HS6ST3: variants seen among roughly 807,000 people sequenced by gnomAD.
The protein encoded by HS6ST3 is heparan sulfate 6-O-sulfotransferase 3.
A neutral mutation model predicts 36.7 loss-of-function variants in HS6ST3; 12 were observed. The observed-to-expected ratio is 0.33, with a 90% CI of 0.21 to 0.53. The LOEUF (loss-of-function observed/expected upper bound fraction) is 0.53, where lower values mean the gene tolerates loss of function less well. Ranked by LOEUF, HS6ST3 falls within the 20% of genes least tolerant of loss-of-function variation. HS6ST3 has a pLI of 0.95. For missense variants in HS6ST3, 584 were observed against 640.9 expected (o/e 0.91, Z 0.96); for synonymous variants, 240 against 257.5 (o/e 0.93, Z 0.65).
chr13:96,641,870 T>C (rs1481325982), intron 1 of HS6ST3, among the ~76,000 whole-genome samples: 5 of 151,906 alleles, frequency 3.3e-5, no homozygotes, highest in Admixed American at 2.6e-4. Flanking sequence ...CACAAACTTA[T>C]AGGTATTTCA....
At chr13:96,687,220 CA>C (rs1001045564) in intron 1 of HS6ST3, among the ~76,000 whole-genome samples, 4 of 151,826 alleles carry the variant, frequency 2.6e-5, no homozygotes, top group African/African-American at 9.7e-5. Context: ...ATTCTAGCCC[CA>C]GTGAATAAAT....
At chr13:96,773,856 TCCCTGAC>T (rs1244059035) in intron 1 of HS6ST3, among the ~76,000 whole-genome samples, 2 of 152,158 alleles carry the variant, frequency 1.3e-5, no homozygotes, top group Non-Finnish European at 2.9e-5. Flanking sequence ...CTCAAGTGGG[TCCCTGAC>T]CCCTGTGTCT....
chr13:96,396,121 C>T (rs1339058258), intron 1 of HS6ST3, among the ~76,000 whole-genome samples: 1 of 152,046 alleles, frequency 6.6e-6, no homozygotes, highest in Non-Finnish European at 1.5e-5. Flanking sequence ...CAAGACGAGC[C>T]TGGCCAACAT....
At chr13:96,383,813 C>T (rs560527943) in intron 1 of HS6ST3, among the ~76,000 whole-genome samples, 1 of 152,278 alleles carries the variant, frequency 6.6e-6, no homozygotes, top group South Asian at 2.1e-4. Flanking sequence ...AGGGTGAATT[C>T]TGATGGACAG....
At chr13:96,821,372 AC>A (rs1186255796) in intron 1 of HS6ST3, among the ~76,000 whole-genome samples, 2 of 152,220 alleles carry the variant, frequency 1.3e-5, no homozygotes, top group Non-Finnish European at 2.9e-5. Flanking sequence ...AGCCTGGGCC[AC>A]TGCATCATTA....
At chr13:96,403,167 T>C (rs866658769) in intron 1 of HS6ST3, among the ~76,000 whole-genome samples, 1 of 152,336 alleles carries the variant, frequency 6.6e-6, no homozygotes, top group Middle Eastern at 3.4e-3. Flanking sequence ...ATGTGCTTAT[T>C]GGCCCTGCAA....
intron 1 of HS6ST3, among the ~76,000 whole-genome samples, chr13:96,302,064 A>T (rs921883922): frequency 4.6e-5 from 7 of 151,902 alleles, no homozygotes; most frequent in Non-Finnish European, 7.4e-5. Context: ...ACATCACAAG[A>T]TTGGGTGGCA....
intron 1 of HS6ST3, among the ~76,000 whole-genome samples, chr13:96,528,812 C>T (rs1227585789): frequency 6.6e-6 from 1 of 152,120 alleles, no homozygotes. Flanking sequence ...ATTTTCTTTA[C>T]ATCCTTCAGT....
intron 1 of HS6ST3, among the ~76,000 whole-genome samples, chr13:96,501,011 T>G (rs941931858): frequency 6.6e-6 from 1 of 152,068 alleles, no homozygotes; most frequent in African/African-American, 2.4e-5. Flanking sequence ...AGTGAAAGTT[T>G]TGGTGGAAGG....
At chr13:96,211,638 C>G (rs1167556926) in intron 1 of HS6ST3, among the ~76,000 whole-genome samples, 1 of 151,920 alleles carries the variant, frequency 6.6e-6, no homozygotes, top group Non-Finnish European at 1.5e-5. Context: ...TTTCTTATTC[C>G]AAAAATCTTC....
At chr13:96,330,331 T>C (rs1355494782) in intron 1 of HS6ST3, among the ~76,000 whole-genome samples, 1 of 151,950 alleles carries the variant, frequency 6.6e-6, no homozygotes, top group Non-Finnish European at 1.5e-5. Flanking sequence ...CGGTTGTTCC[T>C]TTCCATGTTT....
At chr13:96,628,903 C>T (rs941339061) in intron 1 of HS6ST3, among the ~76,000 whole-genome samples, 4 of 151,598 alleles carry the variant, frequency 2.6e-5, no homozygotes, top group Non-Finnish European at 4.4e-5. Context: ...AATGTGAATC[C>T]GTATATGTGT....
chr13:96,210,500 A>G (rs1007750876), intron 1 of HS6ST3, among the ~76,000 whole-genome samples: 3 of 151,990 alleles, frequency 2.0e-5, no homozygotes, highest in African/African-American at 7.3e-5. Flanking sequence ...AAGGAGAACA[A>G]ATGTTATCTT....
intron 1 of HS6ST3, among the ~76,000 whole-genome samples, chr13:96,769,243 G>A (rs950966539): frequency 2.0e-5 from 3 of 152,104 alleles, no homozygotes; most frequent in African/African-American, 7.2e-5. Context: ...GAAATAGCAG[G>A]GAGAGTTAGA....
Position 96,541,095 on chromosome 13 carries a change from C to T in HS6ST3, c.708-291395C>T, listed in dbSNP as rs529930572. On this transcript the variant is annotated intron_variant, in intron 1 of 1. Transcript: ENST00000376705. ...TCTCCCAGGCTAGAGTGCAATGGCGCGATCTCGGCTCACTGCAACCTCTGC... is the reference window on the plus strand; with the variant it reads ...TCTCCCAGGCTAGAGTGCAATGGCGTGATCTCGGCTCACTGCAACCTCTGC... Among the ~76,000 whole-genome samples, 15 of 152,254 alleles carry T rather than the reference C, an allele frequency of 9.9e-5. No homozygotes were observed. The South Asian group carries it at 2.3e-3, about 23-fold the overall frequency.
In HS6ST3 at chr13:96,184,200, CAA is replaced by C. The variant is rs796944357; in HGVS notation, c.707+92652_707+92653del. ...TGGCAATAGAGCGAGACTCTGTCTC[CAA>C]AAAAAAAAAAAAAAAAAAAAGAGAG... On this transcript the variant is annotated intron_variant, in intron 1 of 1. Coordinates refer to ENST00000376705, the MANE Select transcript of HS6ST3 (RefSeq NM_153456.4). Among the ~76,000 whole-genome samples the C allele has an allele frequency of 3.1e-4, 22 of 71,270 alleles. No homozygotes were observed. In the Admixed American group the frequency reaches 4.2e-3, roughly 14 times the overall value. The allele number at this position is 71,270 out of a possible 152,430, so 46.8% of individuals were successfully genotyped here.
intron 1 of HS6ST3, among the ~76,000 whole-genome samples, chr13:96,299,330 G>A (rs746075887): frequency 7.9e-5 from 12 of 152,152 alleles, no homozygotes; most frequent in Non-Finnish European, 1.5e-4. Flanking sequence ...TGCACATGGC[G>A]GAAGCTGAAT....
intron 1 of HS6ST3, among the ~76,000 whole-genome samples, chr13:96,603,414 AT>A (rs2056428435): frequency 6.6e-6 from 1 of 152,138 alleles, no homozygotes; most frequent in East Asian, 1.9e-4. Flanking sequence ...TAGTTCATTC[AT>A]TTTCATTGCC....
At chr13:96,832,219 T>C (rs555536267) in intron 1 of HS6ST3, among the ~76,000 whole-genome samples, 1 of 152,234 alleles carries the variant, frequency 6.6e-6, no homozygotes, top group South Asian at 2.1e-4. Context: ...GCTGAACGAA[T>C]GAATGAATGA....
Sources: allele counts gnomAD v4.1 joint callset (sites outside exome capture counted in the v4.1 genomes callset), GRCh38; gene constraint gnomAD v4.1.1; transcripts MANE v1.5; gene names NCBI Gene and HGNC (gene_info 2026-07-23, HGNC 2026-07-21).